The following CMTM7 variants were observed in gnomAD, a reference collection of about 807,000 sequenced individuals.
The protein encoded by CMTM7 is CKLF like MARVEL transmembrane domain containing 7, also known as CKLF-like MARVEL transmembrane domain-containing protein 7.
Under a neutral mutation model 19.3 loss-of-function variants are expected in CMTM7, and 7 were observed. The observed-to-expected ratio is 0.36, with a 90% confidence interval of 0.21 to 0.68. CMTM7 has a LOEUF of 0.68. CMTM7 is among the 30% of genes least tolerant of loss of function. The pLI is 0.60. For missense variants in CMTM7, 193 were observed against 232.6 expected (o/e 0.83, Z 1.11); for synonymous variants, 87 against 99.3 (o/e 0.88, Z 0.74).
intron 1 of CMTM7, among the ~76,000 whole-genome samples, chr3:32,424,326 G>A (rs80121002): frequency 0.025 from 3,743 of 152,234 alleles, 178 homozygotes; most frequent in East Asian, 0.22. Flanking sequence ...TGTAGGCTGC[G>A]ACCTCACCTT....
At chr3:32,425,780 G>A (rs538144933) in intron 1 of CMTM7, among the ~76,000 whole-genome samples, 2 of 152,282 alleles carry the variant, frequency 1.3e-5, no homozygotes, top group African/African-American at 2.4e-5. Context: ...TTATAATTAG[G>A]TTGGGTGTGT....
intron 1 of CMTM7, among the ~76,000 whole-genome samples, chr3:32,397,110 G>A (rs1695929764): frequency 6.6e-6 from 1 of 152,164 alleles, no homozygotes; most frequent in Non-Finnish European, 1.5e-5. Flanking sequence ...GCAAGTTGTA[G>A]AGTATAGTGA....
chr3:32,452,526 T>G (rs1696852937), intron 4 of CMTM7, 53 bp downstream of exon 4: 16 of 1,576,818 alleles, frequency 1.0e-5, no homozygotes, highest in Non-Finnish European at 1.4e-5. Context: ...GGGGGATGGC[T>G]TGTTCTTGAC....
In CMTM7 at chr3:32,420,195, G is replaced by A. The variant is rs541321786; in HGVS notation, c.160-21645G>A. On this transcript the variant is annotated intron_variant, in intron 1 of 4. Transcript: ENST00000334983. ...CATGAGAGGAGGTATTGTTGAGGATGAACCTTTCGTCCATGTCTCTTTGTG... is the reference window on the plus strand; with the variant it reads ...CATGAGAGGAGGTATTGTTGAGGATAAACCTTTCGTCCATGTCTCTTTGTG... Among the ~76,000 whole-genome samples, 5 of 152,326 alleles carry A rather than the reference G, an allele frequency of 3.3e-5. No homozygotes were observed. In the South Asian group the frequency reaches 1.0e-3, roughly 32 times the overall value.
intron 1 of CMTM7, among the ~76,000 whole-genome samples, chr3:32,438,548 A>G (rs558081498): frequency 1.3e-5 from 2 of 152,156 alleles, no homozygotes; most frequent in African/African-American, 4.8e-5. Flanking sequence ...GAATGAATGA[A>G]TCCCTGGGCA....
intron 1 of CMTM7, among the ~76,000 whole-genome samples, chr3:32,397,774 A>G: frequency 6.6e-6 from 1 of 152,024 alleles, no homozygotes; most frequent in Non-Finnish European, 1.5e-5. Context: ...TCAACCATAA[A>G]CATCATGTGA....
At chr3:32,399,421 G>A (rs1030240766) in intron 1 of CMTM7, among the ~76,000 whole-genome samples, 1 of 152,172 alleles carries the variant, frequency 6.6e-6, no homozygotes, top group Non-Finnish European at 1.5e-5. Context: ...AAATAAGATT[G>A]AAGGAGCCTT....
chr3:32,395,599 C>T lies in CMTM7; in HGVS notation c.159+3534C>T, dbSNP rs1189773073. ...ATATAAAAGCCACAGTGAGATAACACTTCACACCCACGGAGATGACAACAA... is the reference window on the plus strand; with the variant it reads ...ATATAAAAGCCACAGTGAGATAACATTTCACACCCACGGAGATGACAACAA... On this transcript the variant is annotated intron_variant, in intron 1 of 4. Coordinates refer to ENST00000334983, the MANE Select transcript of CMTM7 (RefSeq NM_138410.4). Among the ~76,000 whole-genome samples the T allele has an allele frequency of 2.0e-5, 3 of 152,156 alleles. No individual in the cohort carries two copies. In the South Asian group the frequency reaches 6.2e-4, roughly 32 times the overall value.
chr3:32,432,006 C>T (rs945372114), intron 1 of CMTM7, among the ~76,000 whole-genome samples: 9 of 152,136 alleles, frequency 5.9e-5, no homozygotes, highest in Non-Finnish European at 5.9e-5. Flanking sequence ...CTCAAACCAC[C>T]GAGTTGTTTC....
intron 1 of CMTM7, among the ~76,000 whole-genome samples, chr3:32,418,654 A>T (rs1159169333): frequency 6.6e-6 from 1 of 152,204 alleles, no homozygotes; most frequent in African/African-American, 2.4e-5. Flanking sequence ...GTTGACAAGG[A>T]TATCCTTTCT....
At chr3:32,415,919 G>A (rs952582141) in intron 1 of CMTM7, among the ~76,000 whole-genome samples, 13 of 152,298 alleles carry the variant, frequency 8.5e-5, no homozygotes, top group African/African-American at 3.1e-4. Flanking sequence ...CTTGGTCTTT[G>A]TCCAAGGTTT....
chr3:32,412,785 AG>A (rs752843363), intron 1 of CMTM7, among the ~76,000 whole-genome samples: 31 of 152,170 alleles, frequency 2.0e-4, no homozygotes, highest in Non-Finnish European at 3.2e-4. Context: ...TAAAGTTTGC[AG>A]GGCTGTTACC....
intron 1 of CMTM7, among the ~76,000 whole-genome samples, chr3:32,430,665 C>CCTGATCTA: frequency 1.3e-5 from 1 of 78,128 alleles, no homozygotes. Context: ...ATCATTCTGG[C>CCTGATCTA]CTGATCTACA....
chr3:32,396,234 G>A (rs1040021985), intron 1 of CMTM7, among the ~76,000 whole-genome samples: 4 of 152,054 alleles, frequency 2.6e-5, no homozygotes, highest in African/African-American at 7.2e-5. Context: ...TGCCAGGTGC[G>A]GTGGGTCATG....
At chr3:32,444,952 A>C (rs1416984435) in intron 2 of CMTM7, among the ~76,000 whole-genome samples, 1 of 152,090 alleles carries the variant, frequency 6.6e-6, no homozygotes, top group African/African-American at 2.4e-5. Context: ...TGAGCATTTT[A>C]TTCTTTTTGA....
At chr3:32,445,560 T>A (rs941253199) in intron 2 of CMTM7, among the ~76,000 whole-genome samples, 1 of 152,170 alleles carries the variant, frequency 6.6e-6, no homozygotes, top group Non-Finnish European at 1.5e-5. Context: ...TCATCCAGGC[T>A]GGAGTGCAGT....
chr3:32,411,082 C>G (rs1360982367), intron 1 of CMTM7, among the ~76,000 whole-genome samples: 3 of 152,202 alleles, frequency 2.0e-5, no homozygotes, highest in Non-Finnish European at 4.4e-5. Flanking sequence ...AATGGCTGCT[C>G]TGTCCCAGCT....
Position 32,439,376 on chromosome 3 carries a change from C to T in CMTM7, c.160-2464C>T, listed in dbSNP as rs559909344. Among the ~76,000 whole-genome samples the T allele has an allele frequency of 1.2e-4, 19 of 152,272 alleles. No individual in the cohort carries two copies. The South Asian group carries it at 3.9e-3, about 32-fold the overall frequency. On this transcript the variant is annotated intron_variant, in intron 1 of 4. Transcript: ENST00000334983. ...GCTGAGGATCTTGATAGTGGGCTAG[C>T]AACAAGGGGCTTTAGAAAATAAGAG... is the stretch of plus-strand genomic sequence containing the variant.
intron 1 of CMTM7, among the ~76,000 whole-genome samples, chr3:32,421,843 G>T (rs1409467386): frequency 2.0e-5 from 3 of 152,166 alleles, no homozygotes. Flanking sequence ...GCATTTACTG[G>T]AGCAGTACCA....
Sources: allele counts gnomAD v4.1 joint callset (sites outside exome capture counted in the v4.1 genomes callset), GRCh38; gene constraint gnomAD v4.1.1; transcripts MANE v1.5; gene names NCBI Gene and HGNC (gene_info 2026-07-23, HGNC 2026-07-21).